ACOT13: variants seen among roughly 807,000 people sequenced by gnomAD.
ACOT13 encodes acyl-coenzyme A thioesterase 13.
ACOT13 carries 10 observed loss-of-function variants against 11.8 expected under a neutral mutation model. The ratio of observed to expected loss-of-function variants is 0.85; its 90% CI spans 0.53 to 1.44. ACOT13 has a LOEUF of 1.44. Among genes scored for constraint, ACOT13 ranks in the 40% most tolerant of loss-of-function variants. ACOT13 has a pLI of 0.00. For missense variants in ACOT13, 172 were observed against 174.1 expected, an observed-to-expected ratio of 0.99 and a Z score of 0.07; for synonymous variants, 53 against 61.0, an observed-to-expected ratio of 0.87 and a Z score of 0.61.
intron 1 of ACOT13, among the ~76,000 whole-genome samples, chr6:24,693,641 G>C (rs1778749842): frequency 6.6e-6 from 1 of 152,044 alleles, no homozygotes; most frequent in Non-Finnish European, 1.5e-5. Context: ...GGAAAGGAGA[G>C]ACTCTGTGTC....
chr6:24,667,406 G>C (rs1778277895), intron 1 of ACOT13, 62 bp downstream of exon 1: 1 of 1,484,700 alleles, frequency 6.7e-7, no homozygotes, highest in African/African-American at 1.4e-5. Flanking sequence ...CACCGTGCTT[G>C]GTGCCGTTGT....
chr6:24,700,425 CTTTTTTTT>C (rs34173572), intron 2 of ACOT13, among the ~76,000 whole-genome samples: 1 of 105,140 alleles, frequency 9.5e-6, no homozygotes, highest in Non-Finnish European at 1.8e-5. Context: ...TAAGATCCAC[CTTTTTTTT>C]TTTTTTTTTT....
chr6:24,700,501 T>C (rs1389130641), intron 2 of ACOT13, among the ~76,000 whole-genome samples: 1 of 145,366 alleles, frequency 6.9e-6, no homozygotes, highest in Non-Finnish European at 1.5e-5. Context: ...AGTGGCGCGA[T>C]CTCGGCTCAC....
In ACOT13 at chr6:24,667,238, G is replaced by A. The variant is rs1778273426; in HGVS notation, c.-26G>A. 4 of 1,612,108 alleles carry A rather than the reference G, an allele frequency of 2.5e-6. No individual in the cohort carries two copies. The highest frequency in any genetic ancestry group is 1.6e-4 in the Middle Eastern group (1 of 6,062). ...CTTCCGAAGTTCGTTCTTGCGCAAA[G>A]CCCAAAGGCTGGAAAACCGTCCACG... On this transcript the variant is annotated 5_prime_UTR_variant, in exon 1 of 3. Transcript: ENST00000230048.
At chr6:24,697,270 CTGAATT>C (rs1214671792) in intron 1 of ACOT13, among the ~76,000 whole-genome samples, 1 of 152,122 alleles carries the variant, frequency 6.6e-6, no homozygotes, top group African/African-American at 2.4e-5. Context: ...AACTCAATGA[CTGAATT>C]TGTCTTTTAA....
intron 1 of ACOT13, among the ~76,000 whole-genome samples, chr6:24,680,963 G>GT (rs991747864): frequency 5.3e-5 from 8 of 152,306 alleles, no homozygotes; most frequent in South Asian, 2.1e-4. Context: ...ACCTATTGTG[G>GT]TTTTTTCCCT....
intron 1 of ACOT13, among the ~76,000 whole-genome samples, chr6:24,672,601 T>A (rs2127621390): frequency 6.6e-6 from 1 of 152,338 alleles, no homozygotes; most frequent in East Asian, 1.9e-4. Context: ...ATTGAGCCAC[T>A]GCAGTTCCAG....
intron 1 of ACOT13, among the ~76,000 whole-genome samples, chr6:24,680,574 A>G (rs1489319743): frequency 6.6e-6 from 1 of 152,152 alleles, no homozygotes; most frequent in East Asian, 1.9e-4. Context: ...ACGCTCACCA[A>G]TGTAGCAGTC....
chr6:24,697,266 A>G (rs1238060165), intron 1 of ACOT13, among the ~76,000 whole-genome samples: 2 of 152,334 alleles, frequency 1.3e-5, no homozygotes, highest in Admixed American at 6.5e-5. Flanking sequence ...TAGTAACTCA[A>G]TGACTGAATT....
intron 1 of ACOT13, among the ~76,000 whole-genome samples, chr6:24,695,506 AAGTT>A (rs1340679303): frequency 2.6e-5 from 4 of 152,142 alleles, no homozygotes; most frequent in Non-Finnish European, 5.9e-5. Context: ...ACATTTTTAA[AAGTT>A]AGATATCTTT....
At chr6:24,668,381 C>G (rs994073371) in intron 1 of ACOT13, among the ~76,000 whole-genome samples, 3 of 152,234 alleles carry the variant, frequency 2.0e-5, no homozygotes, top group Non-Finnish European at 4.4e-5. Context: ...GCCACCAAGC[C>G]TGGCTAATTC....
chr6:24,702,497 A>C lies in ACOT13; in HGVS notation c.*882A>C, dbSNP rs1180182797. 6.6e-6 allele frequency: 1 copy of C among 152,154 alleles called. No individual in the cohort carries two copies. Among genetic ancestry groups the C allele is most frequent in the African/African-American group, 2.4e-5 (1 of 41,428 alleles). The allele number at this position is 152,154 out of a possible 1,614,324, so 9.4% of individuals were successfully genotyped here. A position where few individuals can be genotyped will look rare whatever the true frequency, so the allele number is the denominator to read the frequency against. On this transcript the variant is annotated 3_prime_UTR_variant, in exon 3 of 3. Transcript: ENST00000230048. ...AACTTCCCAAAGACCCCCACCTGCT[A>C]ATATCACCTTGGGGGTTGGGATTTT...
At chr6:24,689,901 A>G (rs1437412558) in intron 1 of ACOT13, among the ~76,000 whole-genome samples, 1 of 152,192 alleles carries the variant, frequency 6.6e-6, no homozygotes, top group Non-Finnish European at 1.5e-5. Context: ...AAATTAATTA[A>G]TTTTAGCAGT....
At position 24,703,726 on chromosome 6, in the gene ACOT13, CAG is replaced by C. The variant is rs1778937064; in HGVS notation, c.*2112_*2113del. On this transcript the variant is annotated 3_prime_UTR_variant, in exon 3 of 3. Coordinates refer to ENST00000230048, the MANE Select transcript of ACOT13 (RefSeq NM_018473.4). ...GCCAAGGGAGCTCCTGATAAAGGAA[CAG>C]GGTATTTGCACATTGCTTCCCAGAG... The C allele has an allele frequency of 6.6e-6, 1 of 152,184 alleles. No homozygotes were observed. Among genetic ancestry groups the C allele is most frequent in the Non-Finnish European group, 1.5e-5 (1 of 68,036 alleles). 9.4% of individuals were successfully genotyped at this position (152,184 alleles called of 1,614,324 possible).
intron 1 of ACOT13, among the ~76,000 whole-genome samples, chr6:24,683,962 G>A (rs1371725016): frequency 1.3e-5 from 2 of 151,398 alleles, no homozygotes; most frequent in Non-Finnish European, 2.9e-5. Flanking sequence ...AGCTTCTTGA[G>A]TTAGTTAACC....
chr6:24,692,172 GA>G (rs1178012466), intron 1 of ACOT13, among the ~76,000 whole-genome samples: 2 of 152,116 alleles, frequency 1.3e-5, no homozygotes, highest in African/African-American at 4.8e-5. Context: ...GAGTGGCTGG[GA>G]GAGTAGGAGG....
intron 1 of ACOT13, among the ~76,000 whole-genome samples, chr6:24,689,067 T>C (rs1182085700): frequency 6.6e-6 from 1 of 151,918 alleles, no homozygotes; most frequent in Non-Finnish European, 1.5e-5. Flanking sequence ...ATTAAGGTAA[T>C]ATGCATCTTT....
At chr6:24,697,376 G>GA (rs2127628567) in intron 1 of ACOT13, among the ~76,000 whole-genome samples, 1 of 151,968 alleles carries the variant, frequency 6.6e-6, no homozygotes, top group Admixed American at 6.6e-5. Flanking sequence ...TGAGTTAACA[G>GA]ATCTCAGCTG....
intron 2 of ACOT13, among the ~76,000 whole-genome samples, chr6:24,699,491 T>C (rs1400419428): frequency 6.6e-6 from 1 of 152,210 alleles, no homozygotes; most frequent in Non-Finnish European, 1.5e-5. Flanking sequence ...ATTACAGGCG[T>C]GAGCCACCGC....
Sources: gnomAD v4.1 joint callset for allele counts (sites outside exome capture counted in the v4.1 genomes callset) on GRCh38, gnomAD v4.1.1 for gene constraint, MANE v1.5 for transcripts, NCBI Gene and HGNC (gene_info 2026-07-23, HGNC 2026-07-21) for gene names.